Variants in NMNAT3 observed in about 807,000 individuals in gnomAD.
The protein encoded by NMNAT3 is nicotinamide nucleotide adenylyltransferase 3, also known as nicotinamide/nicotinic acid mononucleotide adenylyltransferase 3.
In NMNAT3, 21 loss-of-function variants were observed where a neutral mutation model predicts 24.8. The ratio of observed to expected loss-of-function variants is 0.85; its 90% CI spans 0.60 to 1.22. NMNAT3 has a LOEUF of 1.22. Ranked by LOEUF, NMNAT3 falls within the 50% of genes most tolerant of loss-of-function variation. The probability of loss-of-function intolerance (pLI) is 0.00; values close to 1 mark genes in which losing one functional copy is unlikely to be tolerated. For synonymous variants in NMNAT3, 136 were observed against 155.2 expected (o/e 0.88, Z 0.92); for missense variants, 387 against 436.6 (o/e 0.89, Z 1.01).
intron 1 of NMNAT3, among the ~76,000 whole-genome samples, chr3:139,638,918 C>T (rs539562616): frequency 6.6e-6 from 1 of 152,218 alleles, no homozygotes; most frequent in African/African-American, 2.4e-5. Context: ...CTCCAACCCC[C>T]TCCCTATGGC....
At chr3:139,648,865 T>C (rs1184172288) in intron 1 of NMNAT3, among the ~76,000 whole-genome samples, 1 of 152,196 alleles carries the variant, frequency 6.6e-6, no homozygotes, top group Admixed American at 6.5e-5. Context: ...AAATGTAAGT[T>C]GCAGACAATA....
chr3:139,584,948 G>T (rs150862522), intron 3 of NMNAT3, among the ~76,000 whole-genome samples: 8 of 151,698 alleles, frequency 5.3e-5, no homozygotes, highest in African/African-American at 1.9e-4. Context: ...TTTCTTTTTA[G>T]TACTTTCAAC....
intron 3 of NMNAT3, among the ~76,000 whole-genome samples, chr3:139,618,474 A>C (rs954798140): frequency 2.0e-5 from 3 of 149,578 alleles, no homozygotes; most frequent in Non-Finnish European, 4.5e-5. Context: ...ATGCTTGTGA[A>C]AGGGGAAAGA....
chr3:139,624,174 TC>T (rs1405370325), intron 3 of NMNAT3, among the ~76,000 whole-genome samples: 2 of 152,198 alleles, frequency 1.3e-5, no homozygotes, highest in East Asian at 3.8e-4. Flanking sequence ...GACCTTTTTT[TC>T]CTAATATAAT....
intron 3 of NMNAT3, among the ~76,000 whole-genome samples, chr3:139,606,471 T>A (rs2054948815): frequency 6.6e-6 from 1 of 152,244 alleles, no homozygotes; most frequent in Non-Finnish European, 1.5e-5. Context: ...TTAACTTTGA[T>A]ACTTGGTTGA....
At chr3:139,622,452 ACGCCAG>A (rs150284598) in intron 3 of NMNAT3, among the ~76,000 whole-genome samples, 52,678 of 151,216 alleles carry the variant, frequency 0.35, 10,718 homozygotes, top group South Asian at 0.67. Flanking sequence ...AAAGATAAAC[ACGCCAG>A]GCACGGTGGC....
intron 4 of NMNAT3, among the ~76,000 whole-genome samples, chr3:139,579,537 G>T (rs1939854466): frequency 6.6e-6 from 1 of 152,202 alleles, no homozygotes; most frequent in East Asian, 1.9e-4. Flanking sequence ...GGGTTGGTGG[G>T]TATTGGCTGT....
At chr3:139,658,851 G>A (rs997572487) in intron 1 of NMNAT3, among the ~76,000 whole-genome samples, 7 of 151,022 alleles carry the variant, frequency 4.6e-5, no homozygotes, top group African/African-American at 7.3e-5. Context: ...ATCATGCACC[G>A]TGTAACTCCA....
intron 6 of NMNAT3, among the ~76,000 whole-genome samples, chr3:139,564,312 A>C (rs1022664195): frequency 1.3e-5 from 2 of 152,204 alleles, no homozygotes; most frequent in African/African-American, 4.8e-5. Flanking sequence ...GGGTCTAAAC[A>C]GGACATGAGA....
intron 3 of NMNAT3, among the ~76,000 whole-genome samples, chr3:139,620,425 CTA>C (rs1259241283): frequency 6.6e-6 from 1 of 152,018 alleles, no homozygotes; most frequent in Non-Finnish European, 1.5e-5. Flanking sequence ...AATTCATATA[CTA>C]TATACTCTTT....
At chr3:139,622,921 TGCTCTGGGTGAATCAAG>T (rs1239569477) in intron 3 of NMNAT3, among the ~76,000 whole-genome samples, 1 of 147,796 alleles carries the variant, frequency 6.8e-6, no homozygotes, top group African/African-American at 2.5e-5. Flanking sequence ...GACTGGAAGT[TGCTCTGGGTGAATCAAG>T]GCGTGAGTAA....
At chr3:139,654,228 G>A (rs2057159591) in intron 1 of NMNAT3, among the ~76,000 whole-genome samples, 1 of 152,188 alleles carries the variant, frequency 6.6e-6, no homozygotes, top group South Asian at 2.1e-4. Context: ...CTTCAAACCA[G>A]GGGTCTGATT....
At chr3:139,594,065 C>T (rs1453103838) in intron 3 of NMNAT3, among the ~76,000 whole-genome samples, 1 of 151,610 alleles carries the variant, frequency 6.6e-6, no homozygotes, top group Non-Finnish European at 1.5e-5. Flanking sequence ...AGATCACTAG[C>T]AAGACTAATA....
chr3:139,593,290 T>C (rs1031164074), intron 3 of NMNAT3, among the ~76,000 whole-genome samples: 2 of 152,176 alleles, frequency 1.3e-5, no homozygotes, highest in African/African-American at 4.8e-5. Context: ...ATGCACCCAA[T>C]ACAGGAGCAC....
At chr3:139,599,144 A>C in intron 3 of NMNAT3, 1 of 569,902 alleles carries the variant, frequency 1.8e-6, no homozygotes, top group Non-Finnish European at 3.1e-6. Flanking sequence ...ATTTCCACAG[A>C]GAATGGCTTG....
intron 1 of NMNAT3, among the ~76,000 whole-genome samples, chr3:139,674,334 C>T (rs1040606314): frequency 6.6e-6 from 1 of 152,254 alleles, no homozygotes; most frequent in Middle Eastern, 3.4e-3. Context: ...ATCATGAGTC[C>T]ACTGTGGTTT....
chr3:139,659,898 T>A (rs989120580), intron 1 of NMNAT3, among the ~76,000 whole-genome samples: 2 of 152,240 alleles, frequency 1.3e-5, no homozygotes, highest in Non-Finnish European at 2.9e-5. Context: ...ATCTGGGTGC[T>A]TCTAGAAATG....
At chr3:139,563,702 C>G (rs751919583) in intron 6 of NMNAT3, among the ~76,000 whole-genome samples, 1 of 152,196 alleles carries the variant, frequency 6.6e-6, no homozygotes, top group Non-Finnish European at 1.5e-5. Context: ...CCTCAGACTT[C>G]TAATTCCTGG....
chr3:139,575,965 CGT>C (rs1559864859), intron 5 of NMNAT3: 1 of 1,288,558 alleles, frequency 7.8e-7, no homozygotes, highest in Non-Finnish European at 1.0e-6. Context: ...CCGTGATTAA[CGT>C]AGCCTCTCTG....
Sources: allele counts gnomAD v4.1 joint callset (sites outside exome capture counted in the v4.1 genomes callset), GRCh38; gene constraint gnomAD v4.1.1; transcripts MANE v1.5; gene names NCBI Gene and HGNC (gene_info 2026-07-23, HGNC 2026-07-21).